Variants in LIG3 observed in about 807,000 individuals in gnomAD.
LIG3 encodes the protein ligase II, DNA, ATP-dependent.
A neutral mutation model predicts 110.9 loss-of-function variants in LIG3; 58 were observed. The observed-to-expected ratio is 0.52, with a 90% CI of 0.42 to 0.65. The LOEUF is 0.65. Among genes scored for constraint, LIG3 ranks in the 30% least tolerant of loss-of-function variants. LIG3 has a pLI of 0.00. For synonymous variants in LIG3, 422 were observed against 472.8 expected (o/e 0.89, Z 1.39); for missense variants, 1,094 against 1,273.8 (o/e 0.86, Z 2.15).
At chr17:35,009,775 G>C (rs1453930731), downstream of LIG3, 1 of 152,598 alleles carries the variant, frequency 6.6e-6, no homozygotes, top group Non-Finnish European at 1.5e-5. Context: ...GAGGAGGTAA[G>C]GCTTCAGCAG....
chr17:34,994,260 C>T lies in LIG3; in HGVS notation c.1456-16C>T, dbSNP rs1295567642. On this transcript the variant is annotated splice_polypyrimidine_tract_variant and intron_variant, in intron 8 of 19. Coordinates refer to ENST00000378526, the MANE Select transcript of LIG3 (RefSeq NM_013975.4). ...CCTCATTGAAAGTCTCCAGGCTTTG[C>T]TTTCCCCACCCCAAGGCGGAGGCCT... The T allele has an allele frequency of 6.2e-7, 1 of 1,606,232 alleles. No homozygotes were observed. The highest frequency in any genetic ancestry group is 1.3e-5 in the African/African-American group (1 of 74,712).
Position 34,988,190 on chromosome 17 carries a change from CAAAAAAAAAAAA to C in LIG3, c.692-1261_692-1250del, listed in dbSNP as rs555462146. On this transcript the variant is annotated intron_variant, in intron 3 of 19. Coordinates refer to ENST00000378526, the MANE Select transcript of LIG3 (RefSeq NM_013975.4). ...CCTGGGCGACAGCGAGACTCTGTCTCAAAAAAAAAAAAAAAAAAAAAAAAAATTCTGAGGTTG... is the reference window on the plus strand; with the variant it reads ...CCTGGGCGACAGCGAGACTCTGTCTCAAAAAAAAAAAAAATTCTGAGGTTG... Among the ~76,000 whole-genome samples, 116 of 45,716 alleles carry C rather than the reference CAAAAAAAAAAAA, an allele frequency of 2.5e-3. No homozygotes were observed. The Middle Eastern group carries it at 0.033, about 13-fold the overall frequency. The allele number at this position is 45,716 out of a possible 152,430, so 30.0% of individuals were successfully genotyped here.
intron 4 of LIG3, among the ~76,000 whole-genome samples, chr17:34,990,640 C>G (rs1260312913): frequency 6.6e-6 from 1 of 152,010 alleles, no homozygotes; most frequent in Non-Finnish European, 1.5e-5. Flanking sequence ...GCTCTGTCGC[C>G]CAGGCTGGAG....
rs763977381 is a variant in LIG3 at position 34,991,094 on chromosome 17, A to G, written c.1021A>G (p.Met341Val). ...CATTTTTAACTGCAACCCAGATGATATGGCACGGGACCTAGAGCAGGTCAG... is the reference window on the plus strand; with the variant it reads ...CATTTTTAACTGCAACCCAGATGATGTGGCACGGGACCTAGAGCAGGTCAG... The part of the protein sequence containing the change: ...SRIFNCNPDD[M>V]ARDLEQGDVS... Residue 341 changes from methionine (M) to valine (V), a missense_variant, in exon 5 of 20, where the codon ATG (methionine) becomes GTG (valine). Coordinates refer to ENST00000378526, the MANE Select transcript of LIG3 (RefSeq NM_013975.4). 2.5e-6 allele frequency: 4 copies of G among 1,614,024 alleles called. No homozygotes were observed. The highest frequency in any genetic ancestry group is 1.3e-5 in the African/African-American group (1 of 74,998).
chr17:34,984,322 G>A (rs2090634115), intron 2 of LIG3, among the ~76,000 whole-genome samples: 1 of 152,152 alleles, frequency 6.6e-6, no homozygotes, highest in Admixed American at 6.5e-5. Context: ...ATAGAGTACT[G>A]ATTACTATCC....
At chr17:34,985,903 C>T in intron 2 of LIG3, 85 bp from the exon 3 acceptor site, 1 of 1,442,910 alleles carries the variant, frequency 6.9e-7, no homozygotes, top group South Asian at 1.2e-5. Flanking sequence ...AAGCAAGGCC[C>T]TAGGAGCAGT....
In LIG3 at chr17:34,983,547, T is replaced by C. The variant is rs763661439; in HGVS notation, c.542T>C (p.Ile181Thr). The part of the protein sequence containing the change: ...DNEKEQITQH[I>T]ADLSSKAAGT... ...GAGAAGGAACAGATAACCCAGCACA[T>C]TGCAGGTAAGGTAGAGAACACTGCT... Residue 181 changes from isoleucine (I) to threonine (T), a missense_variant, in exon 2 of 20, where the codon ATT (isoleucine) becomes ACT (threonine). Coordinates refer to ENST00000378526, the MANE Select transcript of LIG3 (RefSeq NM_013975.4). The C allele has an allele frequency of 1.2e-6, 2 of 1,612,094 alleles. No individual in the cohort carries two copies. The highest frequency in any genetic ancestry group is 2.2e-5 in the East Asian group (1 of 44,876).
chr17:35,009,957 G>A (rs1040071129), downstream of LIG3: 1 of 152,658 alleles, frequency 6.6e-6, no homozygotes. Flanking sequence ...CATGACAAAA[G>A]TGGAAAGGGA....
intron 4 of LIG3, among the ~76,000 whole-genome samples, chr17:34,990,660 G>C (rs989270521): frequency 5.9e-5 from 9 of 152,136 alleles, no homozygotes; most frequent in Admixed American, 2.0e-4. Flanking sequence ...GTACAGTGGT[G>C]TGATCACAGC....
chr17:34,991,641 C>T, intron 5 of LIG3, 30 bp from the exon 6 acceptor site: 1 of 1,610,752 alleles, frequency 6.2e-7, no homozygotes, highest in Non-Finnish European at 8.5e-7. Context: ...CCTAGGGTTG[C>T]AGCAGTGGCA....
intron 1 of LIG3, 135 bp from the exon 2 acceptor site, chr17:34,982,867 A>G (rs1381530238): frequency 3.2e-6 from 2 of 627,086 alleles, no homozygotes; most frequent in South Asian, 3.0e-5. Context: ...AGAGTAGACT[A>G]TGAATGTAAT....
Position 35,001,983 on chromosome 17 carries a change from G to A in LIG3, c.2553G>A (p.Gly851=). The A allele has an allele frequency of 6.2e-7, 1 of 1,613,164 alleles. No homozygotes were observed. Among genetic ancestry groups the A allele is most frequent in the Non-Finnish European group, 8.5e-7 (1 of 1,179,624 alleles). Residue 851 remains glycine (G), a synonymous_variant, in exon 18 of 20, where the codon GGG becomes GGA. Coordinates refer to ENST00000378526, the MANE Select transcript of LIG3 (RefSeq NM_013975.4). Reference sequence around the variant, plus strand: ...GAGATGAGGGGAGCTCCACTACAGGGGGTAGCAGTGAAGAGAATAAGGGTC... The same window carrying A: ...GAGATGAGGGGAGCTCCACTACAGGAGGTAGCAGTGAAGAGAATAAGGGTC... ...VAGDEGSSTT[G]GSSEENKGPS... is the part of the protein sequence containing the mutation.
In LIG3 at chr17:35,002,042, G is replaced by A. The variant is rs1477313748; in HGVS notation, c.2612G>A (p.Ser871Asn). 5.6e-6 allele frequency: 9 copies of A among 1,608,506 alleles called. No individual in the cohort carries two copies. Among genetic ancestry groups the A allele is most frequent in the Non-Finnish European group, 6.8e-6 (8 of 1,177,824 alleles). Residue 871 changes from serine to asparagine, a missense_variant, in exon 18 of 20, where the codon AGC becomes AAC. By Grantham distance (46) the Ser-to-Asn change is conservative. Transcript: ENST00000378526. ...SGSAVSRKAP[S>N]KPSASTKKAE... is the part of the protein sequence containing the mutation. The stretch of plus-strand genomic sequence containing the variant: ...TCTGCTGTGTCCCGCAAGGCCCCCA[G>A]CAAGCCCTCAGCCAGTACCAAGAAA...
In LIG3 at chr17:34,984,623, A is replaced by G. The variant is rs540325723; in HGVS notation, c.547+1071A>G. ...TAAAACCTGGATACTATGTGTCCAC[A>G]TTGTCATGGGGTATCTGTTTCTTCT... is the stretch of plus-strand genomic sequence containing the variant. On this transcript the variant is annotated intron_variant, in intron 2 of 19. Transcript: ENST00000378526. 9.1e-4 allele frequency among the ~76,000 whole-genome samples: 135 copies of G among 148,016 alleles called. 1 individual carries two copies. Among genetic ancestry groups the G allele is most frequent in the African/African-American group, 3.2e-3 (131 of 40,438 alleles).
At chr17:35,001,212 A>G in intron 16 of LIG3, 45 bp from the exon 17 acceptor site, 1 of 1,596,830 alleles carries the variant, frequency 6.3e-7, no homozygotes, top group Non-Finnish European at 8.6e-7. Context: ...GGCCACTGAT[A>G]CTATCTTCTT....
Position 35,005,428 on chromosome 17 carries a change from C to G in LIG3, c.*922C>G, listed in dbSNP as rs577057569. ...CTCTGGTGGTGGTGTCTTACTTCCT[C>G]ATGACTGGAGGAATAATTATATGAT... On this transcript the variant is annotated 3_prime_UTR_variant, in exon 20 of 20. Coordinates refer to ENST00000378526, the MANE Select transcript of LIG3 (RefSeq NM_013975.4). The G allele has an allele frequency of 1.8e-6, 1 of 560,234 alleles. No individual in the cohort carries two copies. The highest frequency in any genetic ancestry group is 1.9e-5 in the African/African-American group (1 of 52,864). The allele number at this position is 560,234 out of a possible 1,614,324, so 34.7% of individuals were successfully genotyped here.
At chr17:34,999,912 C>A in intron 16 of LIG3, 56 bp downstream of exon 16, 1 of 1,394,422 alleles carries the variant, frequency 7.2e-7, no homozygotes, top group South Asian at 1.2e-5. Context: ...TGCAGGTTCT[C>A]TAGTGCCATA....
intron 3 of LIG3, among the ~76,000 whole-genome samples, chr17:34,988,123 G>A (rs1488467323): frequency 6.8e-6 from 1 of 147,922 alleles, no homozygotes; most frequent in Non-Finnish European, 1.5e-5. Flanking sequence ...AACCCTGGGG[G>A]CAGAGCCTGC....
intron 19 of LIG3, 151 bp downstream of exon 19, chr17:35,002,940 G>A (rs780717649): frequency 2.9e-5 from 47 of 1,612,530 alleles, no homozygotes; most frequent in African/African-American, 4.0e-5. Flanking sequence ...CTCCTCTGTC[G>A]TGGGCAGGGT....
Sources: allele counts gnomAD v4.1 joint callset (sites outside exome capture counted in the v4.1 genomes callset), GRCh38; gene constraint gnomAD v4.1.1; transcripts MANE v1.5; gene names NCBI Gene and HGNC (gene_info 2026-07-23, HGNC 2026-07-21).